The following NPIPB2 variants were observed in gnomAD, a reference collection of about 807,000 sequenced individuals.
NPIPB2 encodes the protein nuclear pore complex interacting protein family member B2, also known as nuclear pore complex-interacting protein family member B2.
NPIPB2 carries 27 observed loss-of-function variants against 30.8 expected under a neutral mutation model. The observed-to-expected ratio is 0.88, with a 90% CI of 0.65 to 1.21. The LOEUF (loss-of-function observed/expected upper bound fraction) is 1.21, where lower values mean the gene tolerates loss of function less well. Ranked by LOEUF, NPIPB2 falls within the 50% of genes most tolerant of loss-of-function variation. The probability of loss-of-function intolerance (pLI) is 0.00; values close to 1 mark genes in which losing one functional copy is unlikely to be tolerated. For synonymous variants in NPIPB2, 147 were observed against 162.0 expected, an observed-to-expected ratio of 0.91 and a Z score of 0.70; for missense variants, 440 against 446.2, an observed-to-expected ratio of 0.99 and a Z score of 0.13.
intron 1 of NPIPB2, among the ~76,000 whole-genome samples, chr16:11,960,769 T>A (rs938597226): frequency 6.6e-6 from 1 of 152,164 alleles, no homozygotes; most frequent in African/African-American, 2.4e-5. Flanking sequence ...GCTTCTTTAG[T>A]GCATCGCCCC....
At chr16:11,934,322 G>C (rs2054835796) in intron 2 of NPIPB2, among the ~76,000 whole-genome samples, 1 of 151,008 alleles carries the variant, frequency 6.6e-6, no homozygotes, top group Admixed American at 6.6e-5. Context: ...GGGAGGCCGA[G>C]GCAGGCGGAT....
chr16:11,946,619 T>A (rs1331032746), upstream of NPIPB2, among the ~76,000 whole-genome samples: 1 of 152,028 alleles, frequency 6.6e-6, no homozygotes, highest in Non-Finnish European at 1.5e-5. Flanking sequence ...TCCACTAGGA[T>A]GACTAATACT....
chr16:11,973,269 G>C (rs1220759376), intron 1 of NPIPB2, among the ~76,000 whole-genome samples: 1 of 151,890 alleles, frequency 6.6e-6, no homozygotes, highest in Admixed American at 6.6e-5. Flanking sequence ...GCCTGAACTA[G>C]TTTTTCAGGT....
chr16:11,976,376 G>A (rs964113959), intron 1 of NPIPB2, among the ~76,000 whole-genome samples: 3 of 152,204 alleles, frequency 2.0e-5, no homozygotes, highest in Non-Finnish European at 4.4e-5. Context: ...CGCCTCCTTA[G>A]AGAGGCCCTC....
intron 1 of NPIPB2, among the ~76,000 whole-genome samples, chr16:11,972,683 G>C (rs2055243064): frequency 6.6e-6 from 1 of 150,396 alleles, no homozygotes; most frequent in Admixed American, 6.7e-5. Context: ...GTCCATCCTG[G>C]CCAACATGGT....
chr16:11,943,314 G>T (rs553190017), upstream of NPIPB2, among the ~76,000 whole-genome samples: 1 of 152,284 alleles, frequency 6.6e-6, no homozygotes, highest in South Asian at 2.1e-4. Flanking sequence ...GCGAGACTCT[G>T]TCTCAAAAAC....
At chr16:11,937,240 G>T (rs1330857355) in intron 2 of NPIPB2, among the ~76,000 whole-genome samples, 5 of 152,134 alleles carry the variant, frequency 3.3e-5, no homozygotes, top group Non-Finnish European at 7.3e-5. Context: ...AGTTTAGAAA[G>T]AATTTCCTAT....
intron 1 of NPIPB2, among the ~76,000 whole-genome samples, chr16:11,965,861 G>A (rs1186502275): frequency 6.6e-6 from 1 of 152,176 alleles, no homozygotes; most frequent in Non-Finnish European, 1.5e-5. Context: ...TGTAATCCCA[G>A]CACTTTGGGA....
chr16:11,963,030 C>G (rs966423749), intron 1 of NPIPB2, among the ~76,000 whole-genome samples: 5 of 151,966 alleles, frequency 3.3e-5, no homozygotes, highest in African/African-American at 1.2e-4. Flanking sequence ...TGTACCCCAG[C>G]CTGGCAACAG....
rs1567465240 is a variant in NPIPB2 at position 11,933,731 on chromosome 16, A to G, written c.293-19T>C. 6.3e-7 allele frequency: 1 copy of G among 1,596,608 alleles called. No homozygotes were observed. Among genetic ancestry groups the G allele is most frequent in the East Asian group, 2.2e-5 (1 of 44,884 alleles). Reference sequence around the variant, plus strand: ...CTCAGCCCTTGGTGAGAGTGAGGAGAGGAGAAGGTGAGAAACCTGAGGGCA... The same window carrying G: ...CTCAGCCCTTGGTGAGAGTGAGGAGGGGAGAAGGTGAGAAACCTGAGGGCA... On this transcript the variant is annotated intron_variant, in intron 3 of 7. Coordinates refer to ENST00000399147, the Ensembl canonical transcript of NPIPB2.
chr16:11,935,719 A>G (rs575179097), intron 2 of NPIPB2, among the ~76,000 whole-genome samples: 52 of 148,598 alleles, frequency 3.5e-4, no homozygotes, highest in Admixed American at 1.8e-3. Flanking sequence ...GCAATGGGTA[A>G]TCTAAAAAGA....
chr16:11,940,125 C>G (rs75666113), intron 1 of NPIPB2, among the ~76,000 whole-genome samples: 1 of 55,506 alleles, frequency 1.8e-5, no homozygotes, highest in African/African-American at 4.2e-5. Context: ...CCGAGGCAGG[C>G]GGATCACCTG....
At chr16:11,961,560 A>G (rs2055153326) in intron 1 of NPIPB2, among the ~76,000 whole-genome samples, 1 of 152,074 alleles carries the variant, frequency 6.6e-6, no homozygotes, top group Non-Finnish European at 1.5e-5. Context: ...CGGGCGAATC[A>G]CTTGAGGTCA....
chr16:11,933,625 C>T (rs772293949), exon 4 of NPIPB2: 16 of 1,596,416 alleles, frequency 1.0e-5, no homozygotes, highest in Middle Eastern at 2.2e-4. Context: ...CACATGTCTC[C>T]GTAGAGTAAT....
chr16:11,948,066 C>A (rs1006683324), intron 1 of NPIPB2, among the ~76,000 whole-genome samples: 2 of 150,744 alleles, frequency 1.3e-5, no homozygotes, highest in Non-Finnish European at 2.9e-5. Context: ...TCTCCTACTT[C>A]TCTGCCCACT....
chr16:11,961,265 G>GT (rs2055150836), intron 1 of NPIPB2, among the ~76,000 whole-genome samples: 2 of 152,102 alleles, frequency 1.3e-5, no homozygotes, highest in South Asian at 4.1e-4. Flanking sequence ...CTGAGGGAGT[G>GT]GAGCCTCCTG....
rs942021689 is a variant in NPIPB2, at chr16:11,947,066, T to C, written c.-583-4952A>G. On this transcript the variant is annotated intron_variant, in intron 1 of 5. Coordinates refer to the NPIPB2 transcript ENST00000538896. ...TATATATATATATATATATGGTATA[T>C]ATATAAACATATATATAATATATAA... 1.2e-4 allele frequency among the ~76,000 whole-genome samples: 13 copies of C among 108,418 alleles called. No homozygotes were observed. In the East Asian group the frequency reaches 5.4e-3, roughly 45 times the overall value. The allele number at this position is 108,418 out of a possible 152,430, so 71.1% of individuals were successfully genotyped here. A position where few individuals can be genotyped will look rare whatever the true frequency, so the allele number is the denominator to read the frequency against.
At chr16:11,934,640 C>G (rs549548034) in intron 2 of NPIPB2, among the ~76,000 whole-genome samples, 6 of 151,216 alleles carry the variant, frequency 4.0e-5, no homozygotes, top group Non-Finnish European at 7.4e-5. Context: ...GTGGGTGAAT[C>G]ACAAGGTCAA....
chr16:11,927,275 A>T (rs2054728176), downstream of NPIPB2: 4 of 689,558 alleles, frequency 5.8e-6, no homozygotes, highest in Non-Finnish European at 1.0e-5. Flanking sequence ...TTATTTTTAT[A>T]TTATTTATTT....
Sources: gnomAD v4.1 joint callset for allele counts (sites outside exome capture counted in the v4.1 genomes callset) on GRCh38, gnomAD v4.1.1 for gene constraint, MANE v1.5 for transcripts, NCBI Gene and HGNC (gene_info 2026-07-23, HGNC 2026-07-21) for gene names.